The following DLGAP2 variants were observed in gnomAD, a reference collection of about 807,000 sequenced individuals.
The protein encoded by DLGAP2 is DLG associated protein 2, also known as disks large-associated protein 2.
Under a neutral mutation model 100.3 loss-of-function variants are expected in DLGAP2, and 26 were observed. The ratio of observed to expected loss-of-function variants is 0.26; its 90% CI spans 0.19 to 0.36. The LOEUF (loss-of-function observed/expected upper bound fraction) is 0.36, where lower values mean the gene tolerates loss of function less well. Among genes scored for constraint, DLGAP2 ranks in the 10% least tolerant of loss-of-function variants. The pLI, the probability that DLGAP2 is intolerant of heterozygous loss-of-function variation, is 1.00. For missense variants in DLGAP2, 1,858 were observed against 1,453.2 expected (o/e 1.28, Z -4.53); for synonymous variants, 886 against 630.1 (o/e 1.41, Z -6.08).
chr8:1,170,259 T>C (rs1797101086), intron 2 of DLGAP2, among the ~76,000 whole-genome samples: 1 of 152,210 alleles, frequency 6.6e-6, no homozygotes, highest in African/African-American at 2.4e-5. Flanking sequence ...GATAAGCTTT[T>C]TGATGTGCTG....
chr8:1,421,890 C>T (rs555733970), intron 3 of DLGAP2, among the ~76,000 whole-genome samples: 12 of 151,990 alleles, frequency 7.9e-5, no homozygotes, highest in East Asian at 7.7e-4. Context: ...CACTTGAACC[C>T]GGGAGGTGGA....
chr8:1,443,599 G>A (rs906402472), intron 3 of DLGAP2, among the ~76,000 whole-genome samples: 3 of 152,310 alleles, frequency 2.0e-5, no homozygotes, highest in Non-Finnish European at 4.4e-5. Context: ...GTTCCACACG[G>A]CTGGGGAGGC....
At chr8:759,290 AC>A (rs1289476744) in intron 1 of DLGAP2, among the ~76,000 whole-genome samples, 3 of 145,408 alleles carry the variant, frequency 2.1e-5, no homozygotes, top group Non-Finnish European at 4.5e-5. Context: ...CATTATCAAT[AC>A]CCCCCACAGC....
At chr8:1,615,619 C>G (rs559992895) in intron 6 of DLGAP2, among the ~76,000 whole-genome samples, 1 of 149,466 alleles carries the variant, frequency 6.7e-6, no homozygotes, top group African/African-American at 2.5e-5. Context: ...TAGAATTCAC[C>G]GGAAAGATCT....
At chr8:893,963 C>A (rs1798088732) in intron 1 of DLGAP2, among the ~76,000 whole-genome samples, 1 of 152,228 alleles carries the variant, frequency 6.6e-6, no homozygotes, top group Non-Finnish European at 1.5e-5. Context: ...AGCCTTCTCT[C>A]CTTGGCTGTC....
At chr8:1,363,179 C>T (rs536595752) in intron 3 of DLGAP2, among the ~76,000 whole-genome samples, 39 of 152,372 alleles carry the variant, frequency 2.6e-4, no homozygotes, top group African/African-American at 7.2e-4. Context: ...TGCCAGGCTG[C>T]GGGCACCAGC....
intron 3 of DLGAP2, among the ~76,000 whole-genome samples, chr8:1,280,717 TC>T (rs1375147080): frequency 2.0e-4 from 31 of 152,274 alleles, no homozygotes; most frequent in African/African-American, 7.0e-4. Context: ...GCCACCTTCA[TC>T]TGGGCAGAGG....
At chr8:1,415,082 G>A (rs551174945) in intron 3 of DLGAP2, among the ~76,000 whole-genome samples, 1 of 152,190 alleles carries the variant, frequency 6.6e-6, no homozygotes, top group Non-Finnish European at 1.5e-5. Context: ...TTTGGCTGTG[G>A]TGCACATGCA....
chr8:1,660,350 G>C (rs1198911218), intron 8 of DLGAP2, among the ~76,000 whole-genome samples: 1 of 152,118 alleles, frequency 6.6e-6, no homozygotes, highest in Non-Finnish European at 1.5e-5. Context: ...AATAACTGCT[G>C]TATTATTTGT....
intron 2 of DLGAP2, among the ~76,000 whole-genome samples, chr8:1,224,302 T>G (rs1448447309): frequency 6.6e-6 from 1 of 152,194 alleles, no homozygotes; most frequent in Non-Finnish European, 1.5e-5. Flanking sequence ...GAGACATAAT[T>G]GACATGCGTA....
intron 3 of DLGAP2, among the ~76,000 whole-genome samples, chr8:1,444,300 A>G (rs1372734754): frequency 6.6e-6 from 1 of 151,976 alleles, no homozygotes; most frequent in African/African-American, 2.4e-5. Flanking sequence ...TGCTTAACCA[A>G]CTCCATATTA....
chr8:934,671 ACT>A (rs968465609), intron 2 of DLGAP2, among the ~76,000 whole-genome samples: 7 of 151,572 alleles, frequency 4.6e-5, no homozygotes, highest in Non-Finnish European at 7.4e-5. Flanking sequence ...AGATGCGGAA[ACT>A]CATCCTGCTT....
At chr8:1,376,016 AGCCCCCACC>A (rs1489163720) in intron 3 of DLGAP2, among the ~76,000 whole-genome samples, 6 of 24,266 alleles carry the variant, frequency 2.5e-4, no homozygotes, top group Admixed American at 1.2e-3. Flanking sequence ...CTCAGAACTG[AGCCCCCACC>A]TCCTACATTT....
intron 2 of DLGAP2, among the ~76,000 whole-genome samples, chr8:1,072,003 G>A (rs766790531): frequency 4.6e-5 from 7 of 152,166 alleles, no homozygotes; most frequent in East Asian, 1.9e-4. Context: ...GCCGGCCAGC[G>A]CTGCCTGGGC....
chr8:1,641,983 A>C (rs1797919776), intron 8 of DLGAP2, among the ~76,000 whole-genome samples: 2 of 52,372 alleles, frequency 3.8e-5, no homozygotes, highest in Non-Finnish European at 6.4e-5. Flanking sequence ...GCCGGTCCCC[A>C]CCTGTGTCAC....
At chr8:764,823 C>G (rs1433816317) in intron 1 of DLGAP2, among the ~76,000 whole-genome samples, 2 of 152,078 alleles carry the variant, frequency 1.3e-5, no homozygotes, top group African/African-American at 2.4e-5. Flanking sequence ...GCAGTCTATT[C>G]TAAATACTAG....
At chr8:1,635,401 T>C (rs901031015) in intron 8 of DLGAP2, among the ~76,000 whole-genome samples, 2 of 152,250 alleles carry the variant, frequency 1.3e-5, no homozygotes, top group Non-Finnish European at 2.9e-5. Context: ...AAAAATTTTC[T>C]ACTTAAATAC....
At chr8:987,892 A>G (rs1333872011) in intron 2 of DLGAP2, among the ~76,000 whole-genome samples, 1 of 152,134 alleles carries the variant, frequency 6.6e-6, no homozygotes, top group Non-Finnish European at 1.5e-5. Flanking sequence ...CTAGGATTCT[A>G]TTACATGTTT....
chr8:1,251,231 A>T (rs898868302), intron 2 of DLGAP2, among the ~76,000 whole-genome samples: 1 of 152,212 alleles, frequency 6.6e-6, no homozygotes, highest in Admixed American at 6.5e-5. Context: ...ATAAATATAC[A>T]TGACTGGTGT....
Sources: gnomAD v4.1 joint callset for allele counts (sites outside exome capture counted in the v4.1 genomes callset) on GRCh38, gnomAD v4.1.1 for gene constraint, MANE v1.5 for transcripts, NCBI Gene and HGNC (gene_info 2026-07-23, HGNC 2026-07-21) for gene names.